FRMPD2: variants seen among roughly 807,000 people sequenced by gnomAD.
FRMPD2 encodes the protein FERM and PDZ domain containing 2.
In FRMPD2, 96 loss-of-function variants were observed where a neutral mutation model predicts 140.1. The observed-to-expected ratio is 0.69, with a 90% CI of 0.58 to 0.81. The LOEUF (loss-of-function observed/expected upper bound fraction) is 0.81. FRMPD2 is among the 40% of genes least tolerant of loss of function. The pLI, the probability that FRMPD2 is intolerant of heterozygous loss-of-function variation, is 0.00. For missense variants in FRMPD2, 1,240 were observed against 1,447.4 expected (o/e 0.86, Z 2.32); for synonymous variants, 449 against 547.6 (o/e 0.82, Z 2.52).
chr10:48,262,173 A>G (rs1840603302), intron 1 of FRMPD2, among the ~76,000 whole-genome samples: 1 of 152,198 alleles, frequency 6.6e-6, no homozygotes, highest in Non-Finnish European at 1.5e-5. Flanking sequence ...CTGACAGAGT[A>G]GATTAAAAAA....
rs754803286 is a variant in FRMPD2, at chr10:48,249,325, T to C, written c.152-147A>G. ...AGAGGAGACATGGAACAGAATAAAT[T>C]CAACCCTGATGCATGGGAACATGTA... On this transcript the variant is annotated intron_variant, in intron 2 of 28. Coordinates refer to ENST00000374201, the MANE Select transcript of FRMPD2 (RefSeq NM_001018071.4). The C allele has an allele frequency of 1.0e-4, 69 of 689,456 alleles. No homozygotes were observed. In the Middle Eastern group the frequency reaches 2.0e-3, roughly 20 times the overall value. 42.7% of individuals were successfully genotyped at this position (689,456 alleles called of 1,614,324 possible).
rs73296372 is a variant in FRMPD2 at position 48,258,507 on chromosome 10, C to T, written c.26-6816G>A. On this transcript the variant is annotated intron_variant, in intron 1 of 28. Transcript: ENST00000374201. Reference sequence around the variant, plus strand: ...ACATCTCATTTACCCATCTACAAAACGGAGATGCTGACTCCTACCTTACAA... The same window carrying T: ...ACATCTCATTTACCCATCTACAAAATGGAGATGCTGACTCCTACCTTACAA... Among the ~76,000 whole-genome samples, 1,019 of 152,306 alleles carry T rather than the reference C, an allele frequency of 6.7e-3. 14 individuals are homozygous for T. The highest frequency in any genetic ancestry group is 0.023 in the African/African-American group (965 of 41,558).
intron 12 of FRMPD2, among the ~76,000 whole-genome samples, chr10:48,222,021 G>GATGA (rs1839603358): frequency 1.3e-5 from 2 of 150,940 alleles, no homozygotes; most frequent in Admixed American, 1.3e-4. Flanking sequence ...TGGATGGATG[G>GATGA]ATAGATGGAT....
At chr10:48,208,631 A>G (rs918979747) in intron 13 of FRMPD2, among the ~76,000 whole-genome samples, 1 of 152,224 alleles carries the variant, frequency 6.6e-6, no homozygotes, top group Non-Finnish European at 1.5e-5. Context: ...AATACACTTA[A>G]TGTTGTCAAT....
At chr10:48,250,067 C>T (rs1588854686) in intron 2 of FRMPD2, among the ~76,000 whole-genome samples, 2 of 151,128 alleles carry the variant, frequency 1.3e-5, no homozygotes, top group African/African-American at 4.9e-5. Flanking sequence ...CATGTGACCA[C>T]CTTCTCAAAT....
intron 1 of FRMPD2, among the ~76,000 whole-genome samples, chr10:48,260,295 A>G (rs940196015): frequency 5.3e-5 from 8 of 152,096 alleles, no homozygotes; most frequent in African/African-American, 1.9e-4. Context: ...CAAGCTGAAG[A>G]CCCAGGAAAT....
At chr10:48,237,384 T>C (rs1232068746) in intron 8 of FRMPD2, among the ~76,000 whole-genome samples, 1 of 152,000 alleles carries the variant, frequency 6.6e-6, no homozygotes, top group Non-Finnish European at 1.5e-5. Flanking sequence ...ACCAAGTTCA[T>C]GGAGGCCAGA....
At chr10:48,248,879 A>C in intron 3 of FRMPD2, 142 bp downstream of exon 3, 1 of 598,494 alleles carries the variant, frequency 1.7e-6, no homozygotes, top group Non-Finnish European at 2.7e-6. Flanking sequence ...AATCCTGGGA[A>C]TAAAACTCTT....
chr10:48,186,423 C>T (rs11101251), intron 17 of FRMPD2, among the ~76,000 whole-genome samples: 7,868 of 152,252 alleles, frequency 0.052, 706 homozygotes, highest in African/African-American at 0.18. Context: ...TTCCTGCATG[C>T]TGTGGGAGGG....
intron 21 of FRMPD2, among the ~76,000 whole-genome samples, chr10:48,180,042 T>G (rs531817950): frequency 6.6e-6 from 1 of 152,162 alleles, no homozygotes; most frequent in East Asian, 1.9e-4. Flanking sequence ...GTGCTCTTTG[T>G]AGAGGGGCAC....
chr10:48,187,088 A>G (rs980601833), intron 17 of FRMPD2, 104 bp downstream of exon 17: 35 of 705,920 alleles, frequency 5.0e-5, no homozygotes, highest in South Asian at 1.4e-4. Flanking sequence ...AGAAGGTTAC[A>G]AACATTGTGT....
rs544335992 is a variant in FRMPD2, at chr10:48,200,566, C to T, written c.1954+662G>A. Reference sequence around the variant, plus strand: ...TGACAGGAATAAAGTCTTTTTCCTTCGAATTCCTTTTCCAAGAACTTTTGT... The same window carrying T: ...TGACAGGAATAAAGTCTTTTTCCTTTGAATTCCTTTTCCAAGAACTTTTGT... On this transcript the variant is annotated intron_variant, in intron 15 of 28. Coordinates refer to ENST00000374201, the MANE Select transcript of FRMPD2 (RefSeq NM_001018071.4). 2.6e-5 allele frequency among the ~76,000 whole-genome samples: 4 copies of T among 152,154 alleles called. No individual in the cohort carries two copies. The East Asian group carries it at 5.8e-4, about 22-fold the overall frequency.
At position 48,238,088 on chromosome 10, in the gene FRMPD2, G is replaced by A. The variant is rs111596155; in HGVS notation, c.824C>T (p.Ala275Val). ...LPGADPQDQQ[A>V]GRRLSSGSVH... Reference sequence around the variant, plus strand: ...AGATCCAGAGCTGAGCCTCCGGCCCGCCTGCTGGTCCTGGGGATCTGCTCC... The same window carrying A: ...AGATCCAGAGCTGAGCCTCCGGCCCACCTGCTGGTCCTGGGGATCTGCTCC... The change falls in exon 8 of 29, where the codon GCG (alanine) becomes GTG (valine). Residue 275 changes from alanine (A) to valine (V), a missense_variant. By Grantham distance (64) the Ala-to-Val change is moderately conservative. Around this residue, in one of 6 missense-constraint regions of FRMPD2, gnomAD observed 1,161 missense variants for 1,055.9 expected, o/e 1.10. Coordinates refer to ENST00000374201, the MANE Select transcript of FRMPD2 (RefSeq NM_001018071.4). 5.6e-5 allele frequency: 91 copies of A among 1,613,200 alleles called. 1 individual carries two copies. Among genetic ancestry groups the A allele is most frequent in the African/African-American group, 5.6e-4 (42 of 75,044 alleles).
chr10:48,251,661 C>T lies in FRMPD2; in HGVS notation c.56G>A (p.Ser19Asn). The T allele has an allele frequency of 6.2e-7, 1 of 1,614,246 alleles. No homozygotes were observed. The highest frequency in any genetic ancestry group is 8.5e-7 in the Non-Finnish European group (1 of 1,180,038). Reference protein sequence around the residue: ...GMSLSSVTLASALQVRGEALS... With the variant: ...GMSLSSVTLANALQVRGEALS... Reference sequence around the variant, plus strand: ...AGCTTCACCCCTGACCTGTAGGGCGCTGGCCAGCGTCACAGAGGACAGGCT... The same window carrying T: ...AGCTTCACCCCTGACCTGTAGGGCGTTGGCCAGCGTCACAGAGGACAGGCT... The change falls in exon 2 of 29, where the codon AGC becomes AAC. Residue 19 changes from serine to asparagine, a missense_variant. Coordinates refer to ENST00000374201, the MANE Select transcript of FRMPD2 (RefSeq NM_001018071.4).
intron 20 of FRMPD2, among the ~76,000 whole-genome samples, chr10:48,181,336 T>C (rs534286059): frequency 6.6e-6 from 1 of 152,266 alleles, no homozygotes; most frequent in Non-Finnish European, 1.5e-5. Flanking sequence ...GATATGGACA[T>C]CTTCCCATCT....
At position 48,274,656 on chromosome 10, in the gene FRMPD2, G is replaced by C. The variant is rs1380815691; in HGVS notation, c.-89C>G. Reference sequence around the variant, plus strand: ...GGTCTCTTGCAAGTCTGTCCGCGGAGCTCCCTGCCACCAGCACTGTTGCCG... The same window carrying C: ...GGTCTCTTGCAAGTCTGTCCGCGGACCTCCCTGCCACCAGCACTGTTGCCG... On this transcript the variant is annotated 5_prime_UTR_variant, in exon 1 of 29. Coordinates refer to ENST00000374201, the MANE Select transcript of FRMPD2 (RefSeq NM_001018071.4). 1 of 1,243,392 alleles carries C rather than the reference G, an allele frequency of 8.0e-7. No individual in the cohort carries two copies. The highest frequency in any genetic ancestry group is 1.5e-5 in the African/African-American group (1 of 67,284). 77.0% of individuals were successfully genotyped at this position (1,243,392 alleles called of 1,614,324 possible).
chr10:48,255,864 C>T (rs889064237), intron 1 of FRMPD2, among the ~76,000 whole-genome samples: 14 of 152,180 alleles, frequency 9.2e-5, no homozygotes, highest in African/African-American at 3.4e-4. Flanking sequence ...GAGAAGCCCG[C>T]TCATGGTGAG....
intron 12 of FRMPD2, among the ~76,000 whole-genome samples, chr10:48,216,342 G>T (rs1009953785): frequency 5.4e-5 from 8 of 148,246 alleles, no homozygotes; most frequent in Non-Finnish European, 1.1e-4. Flanking sequence ...TAAATAGATG[G>T]ATATCTTATC....
intron 12 of FRMPD2, among the ~76,000 whole-genome samples, chr10:48,213,801 G>A (rs1427767983): frequency 1.3e-5 from 2 of 152,196 alleles, no homozygotes; most frequent in African/African-American, 4.8e-5. Context: ...AAAAAGATCA[G>A]GAGTTTGGAG....
Sources: allele counts gnomAD v4.1 joint callset (sites outside exome capture counted in the v4.1 genomes callset), GRCh38; gene constraint gnomAD v4.1.1; regional missense constraint gnomAD v4.1.1; transcripts MANE v1.5; gene names NCBI Gene and HGNC (gene_info 2026-07-23, HGNC 2026-07-21).